ABI3BP: variants seen among roughly 807,000 people sequenced by gnomAD.
ABI3BP encodes ABI family member 3 binding protein, also known as target of Nesh-SH3.
A neutral mutation model predicts 268.6 loss-of-function variants in ABI3BP; 216 were observed. The ratio of observed to expected loss-of-function variants is 0.80; its 90% CI spans 0.72 to 0.90. The LOEUF is 0.90. Among genes scored for constraint, ABI3BP ranks in the 40% least tolerant of loss-of-function variants. The pLI is 0.00. For missense variants in ABI3BP, 2,090 were observed against 2,182.4 expected (o/e 0.96, Z 0.84); for synonymous variants, 730 against 730.0 (o/e 1.00, Z 0.00).
At position 100,832,359 on chromosome 3, in the gene ABI3BP, A is replaced by G. The variant is rs1376183826; in HGVS notation, c.2315-9T>C. On this transcript the variant is annotated splice_polypyrimidine_tract_variant and intron_variant, in intron 30 of 67. Transcript: ENST00000471714. ...TGTTGTTGTTGTTGGAGCTGAAGGAAGAAAATTTAGGATTAATATGGTGCT... is the reference window on the plus strand; with the variant it reads ...TGTTGTTGTTGTTGGAGCTGAAGGAGGAAAATTTAGGATTAATATGGTGCT... The G allele has an allele frequency of 6.5e-7, 1 of 1,535,214 alleles. No homozygotes were observed. The highest frequency in any genetic ancestry group is 1.2e-5 in the South Asian group (1 of 83,986).
chr3:100,840,877 A>G lies in ABI3BP; in HGVS notation c.1766-19T>C. The stretch of plus-strand genomic sequence containing the variant: ...TCAGGTCCTAAGACAATGTGAAAAA[A>G]TCACCAAGAAAGAATCAAGATCAAA... On this transcript the variant is annotated intron_variant, in intron 21 of 67. Coordinates refer to ENST00000471714, the MANE Select transcript of ABI3BP (RefSeq NM_001375547.2). The G allele has an allele frequency of 1.3e-6, 2 of 1,529,358 alleles. No homozygotes were observed. The highest frequency in any genetic ancestry group is 1.8e-6 in the Non-Finnish European group (2 of 1,142,516). The allele number at this position is 1,529,358 out of a possible 1,614,324, so 94.7% of individuals were successfully genotyped here.
At chr3:100,812,940 G>T (rs542018319) in intron 45 of ABI3BP, among the ~76,000 whole-genome samples, 5 of 152,052 alleles carry the variant, frequency 3.3e-5, no homozygotes. Context: ...GAGTAGGGTG[G>T]CATGAACATG....
At chr3:100,782,931 T>C (rs571708179) in intron 57 of ABI3BP, among the ~76,000 whole-genome samples, 1 of 152,226 alleles carries the variant, frequency 6.6e-6, no homozygotes, top group South Asian at 2.1e-4. Flanking sequence ...GTCAGCTCTG[T>C]AAGCATCAAG....
At chr3:100,985,759 T>C (rs567304698) in intron 1 of ABI3BP, among the ~76,000 whole-genome samples, 1 of 152,226 alleles carries the variant, frequency 6.6e-6, no homozygotes, top group Non-Finnish European at 1.5e-5. Context: ...TCTCAGAGAT[T>C]TCTTATAATT....
In ABI3BP at chr3:100,812,608, A is replaced by G. The variant is rs144865477; in HGVS notation, c.3365-85T>C. ...GTGCTTTGCATCCAGTAAGTGTTCAATGTTAACTGTTATAGGGTAACAACA... is the reference window on the plus strand; with the variant it reads ...GTGCTTTGCATCCAGTAAGTGTTCAGTGTTAACTGTTATAGGGTAACAACA... On this transcript the variant is annotated intron_variant, in intron 45 of 67. Coordinates refer to ENST00000471714, the MANE Select transcript of ABI3BP (RefSeq NM_001375547.2). 5.4e-4 allele frequency: 442 copies of G among 817,354 alleles called. 3 individuals carry two copies. The Middle Eastern group carries it at 7.2e-3, about 13-fold the overall frequency. 50.6% of individuals were successfully genotyped at this position (817,354 alleles called of 1,614,324 possible).
chr3:100,761,781 A>G (rs1229638552), intron 63 of ABI3BP, among the ~76,000 whole-genome samples: 2 of 152,004 alleles, frequency 1.3e-5, no homozygotes, highest in Non-Finnish European at 1.5e-5. Flanking sequence ...GTGAAGCTCT[A>G]CTCCACCCAT....
chr3:100,934,440 C>T (rs928049645), intron 1 of ABI3BP, among the ~76,000 whole-genome samples: 2 of 151,572 alleles, frequency 1.3e-5, no homozygotes, highest in Admixed American at 1.3e-4. Flanking sequence ...CCACAATAAA[C>T]ATATGTGTGT....
At position 100,981,802 on chromosome 3, in the gene ABI3BP, G is replaced by T. The variant is rs114894871; in HGVS notation, c.79+11504C>A. 2.4e-3 allele frequency among the ~76,000 whole-genome samples: 359 copies of T among 152,190 alleles called. 2 individuals carry two copies. The highest frequency in any genetic ancestry group is 8.1e-3 in the African/African-American group (336 of 41,526). ...TCTGCCGATCCTGTTTCACTGTGTGGATGCCACACCACAGGCTCAGACACT... is the reference window on the plus strand; with the variant it reads ...TCTGCCGATCCTGTTTCACTGTGTGTATGCCACACCACAGGCTCAGACACT... On this transcript the variant is annotated intron_variant, in intron 1 of 67. Transcript: ENST00000471714.
intron 58 of ABI3BP, 140 bp from the exon 59 acceptor site, chr3:100,778,516 G>T: frequency 2.8e-6 from 2 of 713,018 alleles, no homozygotes; most frequent in Non-Finnish European, 4.6e-6. Flanking sequence ...CTACAGAAAA[G>T]TGCACACAAA....
rs571489616 is a variant in ABI3BP, at chr3:100,818,749, G to A, written c.3032-168C>T. Among the ~76,000 whole-genome samples the A allele has an allele frequency of 1.1e-3, 170 of 152,224 alleles. 1 individual carries two copies. The highest frequency in any genetic ancestry group is 4.0e-3 in the African/African-American group (166 of 41,540). ...AGCCAGATAAACAATTTTTTTAAAA[G>A]GCACTTAGTCACAGCCTACACAATT... On this transcript the variant is annotated intron_variant, in intron 40 of 67. Coordinates refer to ENST00000471714, the MANE Select transcript of ABI3BP (RefSeq NM_001375547.2).
At chr3:100,870,741 C>G (rs926955589) in intron 9 of ABI3BP, among the ~76,000 whole-genome samples, 2 of 152,172 alleles carry the variant, frequency 1.3e-5, no homozygotes, top group Non-Finnish European at 2.9e-5. Flanking sequence ...GAGATACATA[C>G]AGTCCCACAT....
Position 100,823,483 on chromosome 3 carries a change from A to G in ABI3BP, c.2778T>C (p.Leu926=). Residue 926 remains leucine, a synonymous_variant, in exon 37 of 68, where the codon CTT becomes CTC. Coordinates refer to ENST00000471714, the MANE Select transcript of ABI3BP (RefSeq NM_001375547.2). ...CTAATGTTGTTGAGGCCTCAGGTCTAAGAGTGACAGGTTCTAGGACTGTAG... is the reference window on the plus strand; with the variant it reads ...CTAATGTTGTTGAGGCCTCAGGTCTGAGAGTGACAGGTTCTAGGACTGTAG... The part of the protein sequence containing the change: ...VPATVLEPVT[L]RPEASTTLAS... The G allele has an allele frequency of 2.0e-6, 3 of 1,535,008 alleles. No individual in the cohort carries two copies. Among genetic ancestry groups the G allele is most frequent in the Non-Finnish European group, 2.6e-6 (3 of 1,146,330 alleles).
chr3:100,843,833 C>T (rs1007224002), intron 20 of ABI3BP: 2 of 985,206 alleles, frequency 2.0e-6, no homozygotes, highest in Non-Finnish European at 2.4e-6. Flanking sequence ...TTTGATTCTA[C>T]AAAGTTGCCT....
At chr3:100,826,871 T>C (rs1395363311) in intron 34 of ABI3BP, among the ~76,000 whole-genome samples, 1 of 152,146 alleles carries the variant, frequency 6.6e-6, no homozygotes, top group Non-Finnish European at 1.5e-5. Flanking sequence ...TCAGACTCAA[T>C]GAATGAGACA....
intron 45 of ABI3BP, among the ~76,000 whole-genome samples, chr3:100,813,382 C>G (rs73152484): frequency 6.6e-6 from 1 of 151,978 alleles, no homozygotes; most frequent in South Asian, 2.1e-4. Context: ...ATAATAAAAT[C>G]AGTTCTTCTA....
rs529877189 is a variant in ABI3BP, at chr3:100,870,070, G to A, written c.911-3114C>T. On this transcript the variant is annotated intron_variant, in intron 9 of 67. Transcript: ENST00000471714. ...GCTGGAATGAGGATGTTGTTTTTAG[G>A]ATTTACTACCTCAAAAAATGTAGCT... Among the ~76,000 whole-genome samples, 3 of 152,172 alleles carry A rather than the reference G, an allele frequency of 2.0e-5. No homozygotes were observed. In the South Asian group the frequency reaches 6.2e-4, roughly 32 times the overall value.
At chr3:100,782,348 T>C (rs1278135595) in intron 57 of ABI3BP, among the ~76,000 whole-genome samples, 2 of 152,148 alleles carry the variant, frequency 1.3e-5, no homozygotes, top group Non-Finnish European at 1.5e-5. Context: ...TTGCCCTCTT[T>C]TTTTTTTATC....
intron 2 of ABI3BP, among the ~76,000 whole-genome samples, chr3:100,920,210 C>T (rs2059829294): frequency 6.6e-6 from 1 of 152,150 alleles, no homozygotes; most frequent in Non-Finnish European, 1.5e-5. Context: ...CACAAAACTG[C>T]CACTTAGACC....
At chr3:100,766,528 C>T (rs2096276963) in intron 62 of ABI3BP, among the ~76,000 whole-genome samples, 1 of 152,168 alleles carries the variant, frequency 6.6e-6, no homozygotes, top group African/African-American at 2.4e-5. Flanking sequence ...TTTGTACTCG[C>T]TGCCTACATA....
Sources: allele counts gnomAD v4.1 joint callset (sites outside exome capture counted in the v4.1 genomes callset), GRCh38; gene constraint gnomAD v4.1.1; transcripts MANE v1.5; gene names NCBI Gene and HGNC (gene_info 2026-07-23, HGNC 2026-07-21).